The following TBC1D22A variants were observed in gnomAD, a reference collection of about 807,000 sequenced individuals.
The protein encoded by TBC1D22A is TBC1 domain family member 22A, also known as putative GTPase activator.
A neutral mutation model predicts 60.2 loss-of-function variants in TBC1D22A; 38 were observed. That is an observed-to-expected ratio of 0.63 (90% CI 0.49 to 0.83). The LOEUF (loss-of-function observed/expected upper bound fraction) is 0.83. TBC1D22A is among the 40% of genes least tolerant of loss of function. TBC1D22A has a pLI of 0.00. For missense variants in TBC1D22A, 628 were observed against 701.0 expected, an observed-to-expected ratio of 0.90 and a Z score of 1.18; for synonymous variants, 302 against 281.7, an observed-to-expected ratio of 1.07 and a Z score of -0.72.
At chr22:46,882,512 A>G (rs2067902502) in intron 5 of TBC1D22A, among the ~76,000 whole-genome samples, 1 of 152,160 alleles carries the variant, frequency 6.6e-6, no homozygotes, top group Middle Eastern at 3.4e-3. Flanking sequence ...GTTATGCGCT[A>G]TGCCCGCCAC....
rs574862273 is a variant in TBC1D22A, at chr22:46,995,498, G to A, written c.1126-2136G>A. Among the ~76,000 whole-genome samples the A allele has an allele frequency of 4.6e-5, 7 of 150,854 alleles. No individual in the cohort carries two copies. The East Asian group carries it at 1.4e-3, about 29-fold the overall frequency. ...TTAGGAGATGTCATGTGTGCTCTGC[G>A]TGTGTGCACGCACTTTGTGTGTGTG... On this transcript the variant is annotated intron_variant, in intron 9 of 12. Transcript: ENST00000337137.
chr22:47,132,511 C>G (rs1377208084), intron 12 of TBC1D22A, among the ~76,000 whole-genome samples: 1 of 123,770 alleles, frequency 8.1e-6, no homozygotes, highest in East Asian at 2.2e-4. Context: ...AGTCCCTGCA[C>G]CGCCCCGCCC....
chr22:46,809,185 T>G (rs2085279809), intron 4 of TBC1D22A, among the ~76,000 whole-genome samples: 1 of 152,122 alleles, frequency 6.6e-6, no homozygotes, highest in Non-Finnish European at 1.5e-5. Context: ...CGGGAAGGGC[T>G]CTCCTCCCGG....
In TBC1D22A at chr22:47,053,474, A is replaced by G. The variant is rs537338685; in HGVS notation, c.1329+16276A>G. 1.7e-3 allele frequency among the ~76,000 whole-genome samples: 261 copies of G among 152,306 alleles called. 1 individual carries two copies. The highest frequency in any genetic ancestry group is 6.0e-3 in the African/African-American group (248 of 41,574). On this transcript the variant is annotated intron_variant, in intron 11 of 12. Coordinates refer to ENST00000337137, the MANE Select transcript of TBC1D22A (RefSeq NM_014346.5). Reference sequence around the variant, plus strand: ...GGGCCGCCTCGTCAGGCGCACTCAGAGGCCTCAGGAGTGCTGCTCCCCAGT... The same window carrying G: ...GGGCCGCCTCGTCAGGCGCACTCAGGGGCCTCAGGAGTGCTGCTCCCCAGT...
rs375402113 is a variant in TBC1D22A, at chr22:47,052,282, C to T, written c.1329+15084C>T. 1.2e-4 allele frequency among the ~76,000 whole-genome samples: 18 copies of T among 152,360 alleles called. No homozygotes were observed. The East Asian group carries it at 1.7e-3, about 15-fold the overall frequency. On this transcript the variant is annotated intron_variant, in intron 11 of 12. Coordinates refer to ENST00000337137, the MANE Select transcript of TBC1D22A (RefSeq NM_014346.5). The stretch of plus-strand genomic sequence containing the variant: ...TTCCATAGTCCAGAGGCCGGGCCAG[C>T]GCCCTCCTGATGAGGGTGCCCATCG...
At chr22:46,994,908 C>G (rs564626084) in intron 9 of TBC1D22A, among the ~76,000 whole-genome samples, 4 of 152,202 alleles carry the variant, frequency 2.6e-5, no homozygotes, top group Non-Finnish European at 4.4e-5. Context: ...TGATGACAGT[C>G]AAAGGAATTC....
intron 11 of TBC1D22A, among the ~76,000 whole-genome samples, chr22:47,087,267 A>G (rs1170734407): frequency 6.6e-6 from 1 of 152,286 alleles, no homozygotes; most frequent in Non-Finnish European, 1.5e-5. Flanking sequence ...GGGGAAGATG[A>G]GATACAAAGG....
intron 9 of TBC1D22A, among the ~76,000 whole-genome samples, chr22:46,987,752 G>A (rs139549099): frequency 6.6e-6 from 1 of 152,302 alleles, no homozygotes; most frequent in East Asian, 1.9e-4. Context: ...GACTGATCAG[G>A]GTGGTGGTTG....
chr22:47,133,543 G>A (rs560771360), intron 12 of TBC1D22A, among the ~76,000 whole-genome samples: 2 of 152,336 alleles, frequency 1.3e-5, no homozygotes, highest in African/African-American at 4.8e-5. Flanking sequence ...TTCCAGCTGT[G>A]CAGCAGAGTT....
At chr22:47,100,852 G>A (rs1191673942) in intron 11 of TBC1D22A, among the ~76,000 whole-genome samples, 2 of 152,158 alleles carry the variant, frequency 1.3e-5, no homozygotes, top group South Asian at 2.1e-4. Flanking sequence ...GTAGGCTGCC[G>A]TCTTCAAAGC....
intron 8 of TBC1D22A, among the ~76,000 whole-genome samples, chr22:46,934,608 C>G (rs962371543): frequency 6.6e-6 from 1 of 152,242 alleles, no homozygotes; most frequent in Non-Finnish European, 1.5e-5. Flanking sequence ...GGCAAGGACT[C>G]TGCCATTGCA....
At chr22:47,102,362 AC>A (rs1168079776) in intron 11 of TBC1D22A, among the ~76,000 whole-genome samples, 2 of 151,646 alleles carry the variant, frequency 1.3e-5, no homozygotes, top group Non-Finnish European at 1.5e-5. Context: ...TGCTTGACCC[AC>A]CCCAGGCGTG....
intron 8 of TBC1D22A, among the ~76,000 whole-genome samples, chr22:46,971,561 G>T (rs2074059753): frequency 6.6e-6 from 1 of 152,222 alleles, no homozygotes; most frequent in Non-Finnish European, 1.5e-5. Context: ...CAGGGAGGAA[G>T]TGATGCCAGG....
chr22:46,905,653 A>T (rs2147734565), intron 7 of TBC1D22A, among the ~76,000 whole-genome samples: 1 of 152,304 alleles, frequency 6.6e-6, no homozygotes, highest in Non-Finnish European at 1.5e-5. Flanking sequence ...CAAGGCGGAC[A>T]CGCGAGGGCC....
At chr22:47,129,673 G>A (rs1195747256) in intron 12 of TBC1D22A, among the ~76,000 whole-genome samples, 1 of 151,956 alleles carries the variant, frequency 6.6e-6, no homozygotes, top group Admixed American at 6.6e-5. Context: ...GCAGGCCTGG[G>A]GCTGTTCCCA....
chr22:46,892,638 G>A (rs1231666000), intron 6 of TBC1D22A, among the ~76,000 whole-genome samples: 3 of 152,196 alleles, frequency 2.0e-5, no homozygotes, highest in Non-Finnish European at 4.4e-5. Context: ...CACTCCACTG[G>A]TTTTAGGAAA....
intron 8 of TBC1D22A, among the ~76,000 whole-genome samples, chr22:46,956,783 G>A (rs976069461): frequency 6.6e-6 from 1 of 152,234 alleles, no homozygotes; most frequent in Non-Finnish European, 1.5e-5. Context: ...AGACACTAGG[G>A]GCTTTAGGTG....
intron 8 of TBC1D22A, among the ~76,000 whole-genome samples, chr22:46,948,413 A>G (rs2072684389): frequency 6.6e-6 from 1 of 152,234 alleles, no homozygotes; most frequent in South Asian, 2.1e-4. Context: ...AAGAGCCTAC[A>G]TTCTTGGTAA....
At chr22:46,908,316 C>T (rs914124042) in intron 7 of TBC1D22A, among the ~76,000 whole-genome samples, 1 of 152,096 alleles carries the variant, frequency 6.6e-6, no homozygotes, top group Non-Finnish European at 1.5e-5. Context: ...CGCAGGTCTC[C>T]CTGGGATTCT....
Sources: gnomAD v4.1 joint callset for allele counts (sites outside exome capture counted in the v4.1 genomes callset) on GRCh38, gnomAD v4.1.1 for gene constraint, MANE v1.5 for transcripts, NCBI Gene and HGNC (gene_info 2026-07-23, HGNC 2026-07-21) for gene names.